RBMS1: variants seen among roughly 807,000 people sequenced by gnomAD.
The protein encoded by RBMS1 is RNA binding motif single stranded interacting protein 1, also known as RNA-binding motif, single-stranded-interacting protein 1.
A neutral mutation model predicts 62.3 loss-of-function variants in RBMS1; 17 were observed. That is an observed-to-expected ratio of 0.27 (90% confidence interval 0.19 to 0.41). RBMS1 has a LOEUF of 0.41. Among genes scored for constraint, RBMS1 ranks in the 10% least tolerant of loss-of-function variants. The pLI is 1.00. For missense variants in RBMS1, 334 were observed against 504.5 expected, an observed-to-expected ratio of 0.66 and a Z score of 3.24; for synonymous variants, 172 against 170.0, an observed-to-expected ratio of 1.01 and a Z score of -0.09.
intron 1 of RBMS1, among the ~76,000 whole-genome samples, chr2:160,401,184 T>C (rs558114167): frequency 3.5e-4 from 54 of 152,326 alleles, no homozygotes; most frequent in African/African-American, 7.7e-4. Flanking sequence ...ATTTTTGAGA[T>C]TGTATTGCAT....
intron 2 of RBMS1, among the ~76,000 whole-genome samples, chr2:160,335,616 G>A (rs1446748829): frequency 2.0e-5 from 3 of 152,152 alleles, no homozygotes; most frequent in Non-Finnish European, 4.4e-5. Context: ...ACAGATTTTC[G>A]TAGAATCTTG....
intron 2 of RBMS1, among the ~76,000 whole-genome samples, chr2:160,339,666 A>T (rs1691762315): frequency 6.6e-6 from 1 of 151,952 alleles, no homozygotes; most frequent in Admixed American, 6.6e-5. Context: ...ACTGACATAC[A>T]TCTTTACATA....
intron 1 of RBMS1, among the ~76,000 whole-genome samples, chr2:160,455,916 C>G (rs1574081803): frequency 1.3e-5 from 2 of 152,124 alleles, no homozygotes; most frequent in African/African-American, 4.8e-5. Flanking sequence ...ATCTCCTGAC[C>G]TCGTGATCCG....
At chr2:160,331,207 TCTTA>T (rs1691248985) in intron 2 of RBMS1, among the ~76,000 whole-genome samples, 1 of 152,116 alleles carries the variant, frequency 6.6e-6, no homozygotes, top group Admixed American at 6.6e-5. Flanking sequence ...GTTACAGCAG[TCTTA>T]ACAAATGAAT....
intron 9 of RBMS1, chr2:160,284,547 A>G (rs1300886651): frequency 2.0e-6 from 1 of 505,530 alleles, no homozygotes; most frequent in East Asian, 3.6e-5. Context: ...CCAAAATGCT[A>G]TGATTCCAAG....
At chr2:160,364,506 T>C (rs1455879686) in intron 2 of RBMS1, among the ~76,000 whole-genome samples, 2 of 134,796 alleles carry the variant, frequency 1.5e-5, no homozygotes, top group Non-Finnish European at 1.6e-5. Context: ...ACATGCCTCC[T>C]CCTCTTAGCC....
rs762306903 is a variant in RBMS1 at position 160,431,436 on chromosome 2, C to T, written c.75+61853G>A. Among the ~76,000 whole-genome samples, 3 of 151,864 alleles carry T rather than the reference C, an allele frequency of 2.0e-5. No homozygotes were observed. The South Asian group carries it at 6.2e-4, about 32-fold the overall frequency. The stretch of plus-strand genomic sequence containing the variant: ...ACAGCAGTCACAATGCAAATGAGAA[C>T]AATAAGTATAAATGTTAAGTTATAG... On this transcript the variant is annotated intron_variant, in intron 1 of 13. Coordinates refer to ENST00000348849, the MANE Select transcript of RBMS1 (RefSeq NM_016836.4).
chr2:160,444,690 G>A (rs1487415927), intron 1 of RBMS1, among the ~76,000 whole-genome samples: 2 of 152,216 alleles, frequency 1.3e-5, no homozygotes, highest in African/African-American at 4.8e-5. Context: ...TGTATTTGGA[G>A]ACAGGGGCTG....
At chr2:160,472,582 G>C (rs1027699645) in intron 1 of RBMS1, among the ~76,000 whole-genome samples, 1 of 152,140 alleles carries the variant, frequency 6.6e-6, no homozygotes, top group Non-Finnish European at 1.5e-5. Flanking sequence ...GAAAATGTCT[G>C]AAAGAGGAAA....
intron 2 of RBMS1, among the ~76,000 whole-genome samples, chr2:160,321,937 C>T (rs779026260): frequency 6.6e-6 from 1 of 152,228 alleles, no homozygotes; most frequent in Non-Finnish European, 1.5e-5. Flanking sequence ...AAACATCTCT[C>T]CATTACCTAT....
intron 2 of RBMS1, among the ~76,000 whole-genome samples, chr2:160,365,844 T>G (rs1000745927): frequency 3.3e-5 from 5 of 152,180 alleles, no homozygotes; most frequent in South Asian, 2.1e-4. Flanking sequence ...GCAGAGGAGA[T>G]AGCAAAAGGC....
chr2:160,438,204 T>C (rs1015467117), intron 1 of RBMS1, among the ~76,000 whole-genome samples: 6 of 152,104 alleles, frequency 3.9e-5, no homozygotes, highest in African/African-American at 1.4e-4. Flanking sequence ...AATCAAGTTA[T>C]ATAAAAAGTC....
intron 1 of RBMS1, among the ~76,000 whole-genome samples, chr2:160,389,178 C>T (rs1484004518): frequency 6.6e-6 from 1 of 152,140 alleles, no homozygotes; most frequent in Non-Finnish European, 1.5e-5. Context: ...AACTTCACAC[C>T]CTGGATGTGT....
At chr2:160,315,974 C>CT (rs1419492709) in intron 3 of RBMS1, among the ~76,000 whole-genome samples, 5 of 152,256 alleles carry the variant, frequency 3.3e-5, no homozygotes, top group Non-Finnish European at 7.4e-5. Flanking sequence ...TCTAAGATCT[C>CT]TCATTCCCAT....
chr2:160,480,295 A>C (rs1685312954), intron 1 of RBMS1, among the ~76,000 whole-genome samples: 1 of 152,232 alleles, frequency 6.6e-6, no homozygotes, highest in Admixed American at 6.5e-5. Flanking sequence ...AAATACAGTT[A>C]TATTTTGACA....
At chr2:160,439,215 G>A (rs557220269) in intron 1 of RBMS1, among the ~76,000 whole-genome samples, 2 of 151,882 alleles carry the variant, frequency 1.3e-5, no homozygotes, top group African/African-American at 4.8e-5. Context: ...CCTCCCTCTC[G>A]GACGAGGTGG....
chr2:160,368,679 C>T (rs1693550609), intron 1 of RBMS1, among the ~76,000 whole-genome samples: 2 of 152,158 alleles, frequency 1.3e-5, no homozygotes, highest in African/African-American at 2.4e-5. Context: ...CGCTCTGTCA[C>T]CCAGGCTGGA....
intron 1 of RBMS1, among the ~76,000 whole-genome samples, chr2:160,440,789 A>G (rs529606149): frequency 1.3e-5 from 2 of 152,332 alleles, no homozygotes; most frequent in South Asian, 4.1e-4. Flanking sequence ...AATCTCACTT[A>G]CAACATCTTC....
intron 6 of RBMS1, 38 bp downstream of exon 6, chr2:160,300,613 T>C: frequency 6.4e-7 from 1 of 1,567,014 alleles, no homozygotes; most frequent in Non-Finnish European, 8.6e-7. Flanking sequence ...ATACATCATA[T>C]AGAAGACTAC....
Sources: allele counts gnomAD v4.1 joint callset (sites outside exome capture counted in the v4.1 genomes callset), GRCh38; gene constraint gnomAD v4.1.1; transcripts MANE v1.5; gene names NCBI Gene and HGNC (gene_info 2026-07-23, HGNC 2026-07-21).